Variants in LNX1 observed in about 807,000 individuals in gnomAD.
LNX1 encodes the protein ligand of numb-protein X 1.
Under a neutral mutation model 68.4 loss-of-function variants are expected in LNX1, and 54 were observed. That is an observed-to-expected ratio of 0.79 (90% CI 0.63 to 0.99). LNX1 has a LOEUF of 0.99. Among genes scored for constraint, LNX1 ranks in the 50% least tolerant of loss-of-function variants. The pLI is 0.00. For missense variants in LNX1, 906 were observed against 926.4 expected, an observed-to-expected ratio of 0.98 and a Z score of 0.29; for synonymous variants, 336 against 350.0, an observed-to-expected ratio of 0.96 and a Z score of 0.45.
chr4:53,506,750 G>A (rs1725900190), intron 4 of LNX1, among the ~76,000 whole-genome samples: 1 of 150,842 alleles, frequency 6.6e-6, no homozygotes, highest in Admixed American at 6.6e-5. Flanking sequence ...CACCTACTTG[G>A]GAGGCTGAGA....
chr4:53,575,437 C>CTGAG (rs1284967078), intron 1 of LNX1: 1 of 900,488 alleles, frequency 1.1e-6, no homozygotes, highest in Non-Finnish European at 1.3e-6. Context: ...AGCGCCAACT[C>CTGAG]TGAGCTAGGT....
intron 2 of LNX1, among the ~76,000 whole-genome samples, chr4:53,569,034 C>T (rs1356109487): frequency 2.3e-4 from 35 of 150,686 alleles, no homozygotes; most frequent in African/African-American, 8.0e-4. Context: ...AATGGAAGAA[C>T]ATTCCATGCT....
At chr4:53,477,022 C>G in intron 8 of LNX1, 41 bp from the exon 9 acceptor site, 1 of 1,524,062 alleles carries the variant, frequency 6.6e-7, no homozygotes, top group Non-Finnish European at 9.1e-7. Flanking sequence ...AGTGAGAGCA[C>G]AAACAGGGAC....
chr4:53,513,809 A>T (rs1439414348), intron 2 of LNX1, among the ~76,000 whole-genome samples: 1 of 152,182 alleles, frequency 6.6e-6, no homozygotes, highest in Non-Finnish European at 1.5e-5. Context: ...ATCTATTCTC[A>T]ACAGAGCAGC....
chr4:53,527,517 G>A lies in LNX1; in HGVS notation c.381-19290C>T, dbSNP rs1168207273. Reference sequence around the variant, plus strand: ...TATTAACAAAAGTTCTTAGCCCCAGGGCACTCCTTGGCTCCACTGGTTCTG... The same window carrying A: ...TATTAACAAAAGTTCTTAGCCCCAGAGCACTCCTTGGCTCCACTGGTTCTG... On this transcript the variant is annotated intron_variant, in intron 2 of 10. Coordinates refer to ENST00000263925, the MANE Select transcript of LNX1 (RefSeq NM_001126328.3). 2.6e-5 allele frequency among the ~76,000 whole-genome samples: 4 copies of A among 152,168 alleles called. No homozygotes were observed. In the East Asian group the frequency reaches 5.8e-4, roughly 22 times the overall value.
chr4:53,650,761 C>T (rs373231101), intron 1 of LNX1, among the ~76,000 whole-genome samples: 73 of 152,078 alleles, frequency 4.8e-4, no homozygotes, highest in African/African-American at 1.7e-3. Flanking sequence ...AGGATTCCAC[C>T]CTCATGGTTC....
rs560479637 is a variant in LNX1, at chr4:53,583,914, A to G, written c.-87+7474T>C. On this transcript the variant is annotated intron_variant, in intron 1 of 10. Coordinates refer to ENST00000263925, the MANE Select transcript of LNX1 (RefSeq NM_001126328.3). ...TTTCCTAGTCCATAAACATGATGAA[A>G]TAGAACTGACCCCCTGCAAACAACA... is the stretch of plus-strand genomic sequence containing the variant. 3.3e-5 allele frequency among the ~76,000 whole-genome samples: 5 copies of G among 149,980 alleles called. No individual in the cohort carries two copies. The East Asian group carries it at 9.9e-4, about 30-fold the overall frequency.
intron 1 of LNX1, among the ~76,000 whole-genome samples, chr4:53,646,059 G>C (rs1439376069): frequency 6.6e-6 from 1 of 152,140 alleles, no homozygotes; most frequent in Non-Finnish European, 1.5e-5. Flanking sequence ...TGCTTTGGTT[G>C]CCAGGAAGCT....
intron 2 of LNX1, among the ~76,000 whole-genome samples, chr4:53,547,779 G>C (rs187211454): frequency 6.6e-6 from 1 of 152,246 alleles, no homozygotes; most frequent in East Asian, 1.9e-4. Flanking sequence ...GAAAATATGA[G>C]AGAATAAGAA....
At chr4:53,546,537 TA>T (rs1729132563) in intron 2 of LNX1, among the ~76,000 whole-genome samples, 2 of 152,220 alleles carry the variant, frequency 1.3e-5, no homozygotes, top group South Asian at 4.1e-4. Context: ...AAAAATGTCA[TA>T]ACTTGTTCAA....
intron 1 of LNX1, among the ~76,000 whole-genome samples, chr4:53,631,483 T>C (rs1734268870): frequency 6.6e-6 from 1 of 152,174 alleles, no homozygotes; most frequent in Non-Finnish European, 1.5e-5. Flanking sequence ...TAGAGGCCTC[T>C]TTTCCTCTTC....
At chr4:53,523,610 T>C (rs969257587) in intron 2 of LNX1, among the ~76,000 whole-genome samples, 12 of 152,180 alleles carry the variant, frequency 7.9e-5, no homozygotes, top group African/African-American at 1.9e-4. Context: ...TTTTATATGA[T>C]ATGCACATCT....
At chr4:53,465,504 C>T (rs139138814) in intron 9 of LNX1, among the ~76,000 whole-genome samples, 19 of 152,304 alleles carry the variant, frequency 1.2e-4, no homozygotes, top group African/African-American at 4.6e-4. Context: ...ACATTCTTCT[C>T]CAGCAGCTGC....
chr4:53,536,064 T>G (rs1178667801), intron 2 of LNX1, among the ~76,000 whole-genome samples: 2 of 152,200 alleles, frequency 1.3e-5, no homozygotes, highest in African/African-American at 4.8e-5. Context: ...TTAATAAGCA[T>G]TTTACAGTAC....
At chr4:53,604,437 A>AT (rs1733146172) in intron 2 of LNX1, among the ~76,000 whole-genome samples, 2 of 152,240 alleles carry the variant, frequency 1.3e-5, no homozygotes, top group Admixed American at 1.3e-4. Context: ...AGCCAGTTGG[A>AT]TAAAAAGCAG....
intron 2 of LNX1, among the ~76,000 whole-genome samples, chr4:53,513,706 C>T (rs2038454844): frequency 6.6e-6 from 1 of 152,224 alleles, no homozygotes; most frequent in African/African-American, 2.4e-5. Context: ...TGGCTACTGC[C>T]ACCATACTGG....
At position 53,488,316 on chromosome 4, in the gene LNX1, C is replaced by T. The variant is rs1464256286; in HGVS notation, c.1351-6462G>A. On this transcript the variant is annotated intron_variant, in intron 6 of 10. Transcript: ENST00000263925. The stretch of plus-strand genomic sequence containing the variant: ...GTCTAGTTATGCCCAGTAGGGCAAC[C>T]CCACATCAATTTCCCTGTGACAATC... Among the ~76,000 whole-genome samples, 3 of 152,318 alleles carry T rather than the reference C, an allele frequency of 2.0e-5. No individual in the cohort carries two copies. The East Asian group carries it at 5.8e-4, about 29-fold the overall frequency.
chr4:53,631,071 G>T (rs867434040), intron 1 of LNX1, among the ~76,000 whole-genome samples: 7 of 152,260 alleles, frequency 4.6e-5, no homozygotes, highest in African/African-American at 1.7e-4. Context: ...TCTATGGACC[G>T]CTGGGTCAAT....
At chr4:53,515,057 C>G (rs1726658714) in intron 2 of LNX1, among the ~76,000 whole-genome samples, 1 of 152,162 alleles carries the variant, frequency 6.6e-6, no homozygotes, top group African/African-American at 2.4e-5. Context: ...AAGGATATTT[C>G]ACAGAGAGAT....
Sources: allele counts gnomAD v4.1 joint callset (sites outside exome capture counted in the v4.1 genomes callset), GRCh38; gene constraint gnomAD v4.1.1; transcripts MANE v1.5; gene names NCBI Gene and HGNC (gene_info 2026-07-23, HGNC 2026-07-21).